PID1: variants seen among roughly 807,000 people sequenced by gnomAD.
PID1 encodes the protein PTB-containing, cubilin and LRP1-interacting protein.
Under a neutral mutation model 19.1 loss-of-function variants are expected in PID1, and 10 were observed. The ratio of observed to expected loss-of-function variants is 0.52; its 90% CI spans 0.32 to 0.89. The LOEUF is 0.89. PID1 is among the 40% of genes least tolerant of loss of function. The pLI, the probability that PID1 is intolerant of heterozygous loss-of-function variation, is 0.03. For missense variants in PID1, 248 were observed against 285.3 expected, an observed-to-expected ratio of 0.87 and a Z score of 0.94; for synonymous variants, 130 against 116.0, an observed-to-expected ratio of 1.12 and a Z score of -0.78.
chr2:229,132,732 T>C (rs1037885210), intron 2 of PID1, among the ~76,000 whole-genome samples: 1 of 152,182 alleles, frequency 6.6e-6, no homozygotes, highest in African/African-American at 2.4e-5. Context: ...GGTAACAAAT[T>C]ATCTGACCCA....
rs868228706 is a variant in PID1 at position 229,232,768 on chromosome 2, T to C, written c.30+38246A>G. On this transcript the variant is annotated intron_variant, in intron 1 of 2. Transcript: ENST00000392055. Reference sequence around the variant, plus strand: ...TTTGTTGACTGACCAAAAATGAATATATATACACACACACACATAAATATA... The same window carrying C: ...TTTGTTGACTGACCAAAAATGAATACATATACACACACACACATAAATATA... 3.6e-4 allele frequency among the ~76,000 whole-genome samples: 50 copies of C among 138,368 alleles called. No individual in the cohort carries two copies. In the Middle Eastern group the frequency reaches 0.011, roughly 30 times the overall value. The allele number at this position is 138,368 out of a possible 152,430, so 90.8% of individuals were successfully genotyped here. A position where few individuals can be genotyped will look rare whatever the true frequency, so the allele number is the denominator to read the frequency against.
intron 2 of PID1, among the ~76,000 whole-genome samples, chr2:229,038,193 T>C (rs1482518567): frequency 6.6e-6 from 1 of 152,190 alleles, no homozygotes; most frequent in South Asian, 2.1e-4. Context: ...GGAATTGTTA[T>C]ATATTCTAGA....
rs538209234 is a variant in PID1, at chr2:229,036,261, G to T, written c.178-10153C>A. Among the ~76,000 whole-genome samples the T allele has an allele frequency of 1.5e-4, 23 of 152,178 alleles. No homozygotes were observed. The East Asian group carries it at 4.4e-3, about 29-fold the overall frequency. The stretch of plus-strand genomic sequence containing the variant: ...TTGGTCTCAGCTCAGAGCAGGCCTG[G>T]GCATCCTTTATGGTTGCAATGGCTC... On this transcript the variant is annotated intron_variant, in intron 2 of 2. Transcript: ENST00000392055.
At chr2:229,099,475 T>G (rs576422839) in intron 2 of PID1, among the ~76,000 whole-genome samples, 1 of 152,302 alleles carries the variant, frequency 6.6e-6, no homozygotes, top group East Asian at 1.9e-4. Flanking sequence ...CATGAATTTC[T>G]AATTGAACAT....
intron 2 of PID1, among the ~76,000 whole-genome samples, chr2:229,061,015 C>T (rs1237534908): frequency 2.0e-5 from 3 of 151,988 alleles, no homozygotes; most frequent in African/African-American, 7.2e-5. Flanking sequence ...ATTATAGCCT[C>T]TTATCCCACA....
chr2:229,224,271 G>T (rs1692031842), intron 1 of PID1, among the ~76,000 whole-genome samples: 1 of 152,148 alleles, frequency 6.6e-6, no homozygotes, highest in South Asian at 2.1e-4. Flanking sequence ...AAGCAGTTTG[G>T]AGATTCGTCA....
chr2:229,139,028 A>C (rs182059573), intron 2 of PID1, among the ~76,000 whole-genome samples: 18 of 85,996 alleles, frequency 2.1e-4, no homozygotes, highest in South Asian at 4.0e-4. Context: ...AGAAAGAAAG[A>C]AAGAAAGAAA....
intron 2 of PID1, among the ~76,000 whole-genome samples, chr2:229,072,406 G>A (rs1694474260): frequency 1.3e-5 from 2 of 152,024 alleles, no homozygotes; most frequent in South Asian, 4.2e-4. Context: ...GTCCAACACG[G>A]CAAAACCCTG....
intron 2 of PID1, 117 bp downstream of exon 2, chr2:229,155,701 G>T: frequency 1.1e-6 from 1 of 923,766 alleles, no homozygotes; most frequent in Non-Finnish European, 1.6e-6. Context: ...TTATTTTGTT[G>T]GTCATTTTAT....
In PID1 at chr2:229,155,792, ACCCCTGCTGGCCACGTG is replaced by A; in HGVS notation, c.177+9_177+25del. ...TCTTTGAGGCTATCTCACCAAGAGAACCCCTGCTGGCCACGTGCCCCATACCTTGCAGCCACTGTGAG... is the reference window on the plus strand; with the variant it reads ...TCTTTGAGGCTATCTCACCAAGAGAACCCCATACCTTGCAGCCACTGTGAG... On this transcript the variant is annotated intron_variant, in intron 2 of 2. Coordinates refer to ENST00000392055, the MANE Select transcript of PID1 (RefSeq NM_001100818.2). 6.3e-7 allele frequency: 1 copy of A among 1,585,006 alleles called. No individual in the cohort carries two copies. The highest frequency in any genetic ancestry group is 8.6e-7 in the Non-Finnish European group (1 of 1,162,540).
At chr2:229,185,161 A>G (rs1252674866) in intron 1 of PID1, among the ~76,000 whole-genome samples, 1 of 150,948 alleles carries the variant, frequency 6.6e-6, no homozygotes, top group Non-Finnish European at 1.5e-5. Flanking sequence ...GAACCCTAAT[A>G]CAGCCTCCCA....
At position 229,046,860 on chromosome 2, in the gene PID1, G is replaced by A. The variant is rs75297405; in HGVS notation, c.178-20752C>T. Among the ~76,000 whole-genome samples, 177 of 152,204 alleles carry A rather than the reference G, an allele frequency of 1.2e-3. 2 individuals are homozygous for A. The East Asian group carries it at 0.026, about 23-fold the overall frequency. ...TAAACTCAATGTTCTGCAATCCAACGGTCTACTCGTTCTTGACTGCACATG... is the reference window on the plus strand; with the variant it reads ...TAAACTCAATGTTCTGCAATCCAACAGTCTACTCGTTCTTGACTGCACATG... On this transcript the variant is annotated intron_variant, in intron 2 of 2. Transcript: ENST00000392055.
At chr2:229,078,536 C>T (rs1001234627) in intron 2 of PID1, among the ~76,000 whole-genome samples, 17 of 152,098 alleles carry the variant, frequency 1.1e-4, no homozygotes, top group African/African-American at 4.1e-4. Flanking sequence ...GTGGGTTTGT[C>T]ATAAACAGTT....
chr2:229,041,551 T>G (rs573276395), intron 2 of PID1, among the ~76,000 whole-genome samples: 2 of 152,300 alleles, frequency 1.3e-5, no homozygotes, highest in South Asian at 4.1e-4. Flanking sequence ...GTAATAAATG[T>G]TGCAGGCAAG....
At chr2:229,131,835 A>C (rs937874665) in intron 2 of PID1, among the ~76,000 whole-genome samples, 1 of 151,888 alleles carries the variant, frequency 6.6e-6, no homozygotes, top group African/African-American at 2.4e-5. Context: ...CGGTGGAAAG[A>C]TGTGCTAAAT....
intron 2 of PID1, among the ~76,000 whole-genome samples, chr2:229,132,388 A>G (rs577375462): frequency 6.3e-4 from 96 of 152,302 alleles, no homozygotes; most frequent in African/African-American, 2.1e-3. Context: ...TTCGAACCAC[A>G]TGATTCAGCA....
At chr2:229,109,392 A>C (rs1396532499) in intron 2 of PID1, among the ~76,000 whole-genome samples, 2 of 152,164 alleles carry the variant, frequency 1.3e-5, no homozygotes, top group East Asian at 3.9e-4. Flanking sequence ...GAGCAGAAAA[A>C]CCTGTGTATG....
At chr2:229,254,166 A>C (rs1026720273) in intron 1 of PID1, among the ~76,000 whole-genome samples, 1 of 152,174 alleles carries the variant, frequency 6.6e-6, no homozygotes, top group Admixed American at 6.5e-5. Context: ...CAACAACAAC[A>C]AAAAAACCTC....
chr2:229,076,607 T>C (rs988037799), intron 2 of PID1, among the ~76,000 whole-genome samples: 10 of 152,032 alleles, frequency 6.6e-5, no homozygotes, highest in African/African-American at 1.9e-4. Flanking sequence ...TATGTTCTCA[T>C]TGGTCAACTC....
Sources: allele counts gnomAD v4.1 joint callset (sites outside exome capture counted in the v4.1 genomes callset), GRCh38; gene constraint gnomAD v4.1.1; transcripts MANE v1.5; gene names NCBI Gene and HGNC (gene_info 2026-07-23, HGNC 2026-07-21).